The following FHIT variants were observed in gnomAD, a reference collection of about 807,000 sequenced individuals.
The protein encoded by FHIT is fragile histidine triad diadenosine triphosphatase.
FHIT carries 19 observed loss-of-function variants against 17.9 expected under a neutral mutation model. The observed-to-expected ratio is 1.06, with a 90% CI of 0.74 to 1.56. The LOEUF is 1.56. Ranked by LOEUF, FHIT falls within the 40% of genes most tolerant of loss-of-function variation. The pLI, the probability that FHIT is intolerant of heterozygous loss-of-function variation, is 0.00. For missense variants in FHIT, 248 were observed against 189.2 expected, an observed-to-expected ratio of 1.31 and a Z score of -1.82; for synonymous variants, 81 against 69.7, an observed-to-expected ratio of 1.16 and a Z score of -0.81.
chr3:61,172,500 C>T (rs575918749), intron 2 of FHIT, among the ~76,000 whole-genome samples: 10 of 152,178 alleles, frequency 6.6e-5, no homozygotes, highest in Non-Finnish European at 1.0e-4. Context: ...TGGAAGGAGA[C>T]TGACATCCCA....
intron 3 of FHIT, among the ~76,000 whole-genome samples, chr3:60,895,655 T>C (rs1330300199): frequency 1.5e-5 from 2 of 136,482 alleles, no homozygotes; most frequent in African/African-American, 6.4e-5. Context: ...CTTTCCCTCC[T>C]TCCTTCCTTC....
At chr3:60,413,563 T>C (rs1702141499) in intron 5 of FHIT, among the ~76,000 whole-genome samples, 1 of 152,310 alleles carries the variant, frequency 6.6e-6, no homozygotes, top group South Asian at 2.1e-4. Context: ...AATTGACCAC[T>C]GTCTCTTCTG....
At chr3:60,317,194 C>CT (rs1709199561) in intron 5 of FHIT, among the ~76,000 whole-genome samples, 2 of 131,376 alleles carry the variant, frequency 1.5e-5, no homozygotes, top group East Asian at 4.1e-4. Flanking sequence ...AGTTCATATT[C>CT]CTTTTTTTTC....
chr3:60,494,584 A>G (rs1466146817), intron 5 of FHIT, among the ~76,000 whole-genome samples: 1 of 151,922 alleles, frequency 6.6e-6, no homozygotes, highest in Non-Finnish European at 1.5e-5. Flanking sequence ...ATTTTTTTGT[A>G]CTCATTAACC....
chr3:61,190,488 G>C (rs537066562), intron 2 of FHIT, among the ~76,000 whole-genome samples: 1 of 152,324 alleles, frequency 6.6e-6, no homozygotes, highest in Non-Finnish European at 1.5e-5. Context: ...TGGTGGGACT[G>C]TAAACTAGTT....
chr3:60,060,217 C>T (rs780709286), intron 5 of FHIT, among the ~76,000 whole-genome samples: 2 of 151,730 alleles, frequency 1.3e-5, no homozygotes, highest in African/African-American at 2.4e-5. Context: ...TTCTGAATTC[C>T]ATCCTCATGT....
intron 8 of FHIT, among the ~76,000 whole-genome samples, chr3:59,800,197 G>A (rs1167424270): frequency 2.6e-5 from 4 of 152,112 alleles, no homozygotes; most frequent in African/African-American, 9.7e-5. Flanking sequence ...CAAAGCACTG[G>A]GTTATAATGC....
chr3:60,328,968 G>C (rs1030741498), intron 5 of FHIT, among the ~76,000 whole-genome samples: 3 of 152,162 alleles, frequency 2.0e-5, no homozygotes, highest in Admixed American at 6.5e-5. Flanking sequence ...ATACACAATA[G>C]AAGAATCCAT....
chr3:60,093,403 A>G lies in FHIT; in HGVS notation c.104-79251T>C, dbSNP rs2107105709. On this transcript the variant is annotated intron_variant, in intron 5 of 9. Coordinates refer to ENST00000492590, the MANE Select transcript of FHIT (RefSeq NM_002012.4). ...ACCTCCACTTCTAAGAATCCTTGAGATTACACTGAGCCCACCTGGACAGTC... is the reference window on the plus strand; with the variant it reads ...ACCTCCACTTCTAAGAATCCTTGAGGTTACACTGAGCCCACCTGGACAGTC... 1.3e-5 allele frequency among the ~76,000 whole-genome samples: 2 copies of G among 152,212 alleles called. 1 individual carries two copies. The highest frequency in any genetic ancestry group is 4.1e-4 in the South Asian group (2 of 4,820).
At chr3:60,739,871 C>A (rs2042208301) in intron 4 of FHIT, among the ~76,000 whole-genome samples, 1 of 152,266 alleles carries the variant, frequency 6.6e-6, no homozygotes, top group South Asian at 2.1e-4. Flanking sequence ...AAAAATTTTA[C>A]TGAGCACCTA....
At chr3:60,629,494 C>T (rs1289850912) in intron 4 of FHIT, among the ~76,000 whole-genome samples, 3 of 152,144 alleles carry the variant, frequency 2.0e-5, no homozygotes, top group African/African-American at 7.2e-5. Context: ...GGAAATAAAA[C>T]TCCAAGAAAC....
At chr3:59,750,958 TATAAC>T (rs1700863856) in intron 9 of FHIT, 1 of 187,126 alleles carries the variant, frequency 5.3e-6, no homozygotes, top group Non-Finnish European at 1.1e-5. Flanking sequence ...TTCTGCAACT[TATAAC>T]ATGAACATAT....
intron 5 of FHIT, among the ~76,000 whole-genome samples, chr3:60,366,774 A>AC (rs992420099): frequency 3.3e-5 from 5 of 152,142 alleles, no homozygotes; most frequent in Non-Finnish European, 5.9e-5. Context: ...TTTATAAATT[A>AC]CCCAGACTGT....
intron 5 of FHIT, among the ~76,000 whole-genome samples, chr3:60,443,479 T>G (rs1179623411): frequency 6.6e-6 from 1 of 152,204 alleles, no homozygotes; most frequent in Non-Finnish European, 1.5e-5. Context: ...GTTTTTAGCA[T>G]GAAGGGCTGT....
At chr3:60,309,525 G>C (rs529668229) in intron 5 of FHIT, among the ~76,000 whole-genome samples, 1 of 152,268 alleles carries the variant, frequency 6.6e-6, no homozygotes, top group East Asian at 1.9e-4. Flanking sequence ...AAATACTCAA[G>C]TGGTGTGACA....
intron 5 of FHIT, among the ~76,000 whole-genome samples, chr3:60,213,896 T>G (rs560624480): frequency 5.3e-5 from 8 of 152,182 alleles, no homozygotes; most frequent in Non-Finnish European, 1.0e-4. Context: ...CTACATCTCC[T>G]ATCTCTAAGT....
At chr3:61,017,639 T>C (rs1234151814) in intron 3 of FHIT, among the ~76,000 whole-genome samples, 1 of 152,222 alleles carries the variant, frequency 6.6e-6, no homozygotes, top group Non-Finnish European at 1.5e-5. Context: ...CATTCAATGT[T>C]GCCACTTGGG....
intron 4 of FHIT, among the ~76,000 whole-genome samples, chr3:60,628,369 T>C (rs954861716): frequency 6.6e-6 from 1 of 152,238 alleles, no homozygotes; most frequent in African/African-American, 2.4e-5. Flanking sequence ...TGTGGTATAT[T>C]TGGAAAATGT....
intron 8 of FHIT, among the ~76,000 whole-genome samples, chr3:59,841,445 TAC>T (rs1241856448): frequency 6.6e-6 from 1 of 152,194 alleles, no homozygotes; most frequent in Non-Finnish European, 1.5e-5. Context: ...TTTCATTTCC[TAC>T]AGAGTGAGGC....
Sources: allele counts gnomAD v4.1 joint callset (sites outside exome capture counted in the v4.1 genomes callset), GRCh38; gene constraint gnomAD v4.1.1; transcripts MANE v1.5; gene names NCBI Gene and HGNC (gene_info 2026-07-23, HGNC 2026-07-21).